NRXN2: variants seen among roughly 807,000 people sequenced by gnomAD.
The protein encoded by NRXN2 is neurexin-2-beta.
In NRXN2, 29 loss-of-function variants were observed where a neutral mutation model predicts 128.8. The ratio of observed to expected loss-of-function variants is 0.23; its 90% CI spans 0.17 to 0.31. The LOEUF (loss-of-function observed/expected upper bound fraction) is 0.31. Ranked by LOEUF, NRXN2 falls within the 10% of genes least tolerant of loss-of-function variation. NRXN2 has a pLI of 1.00. For missense variants in NRXN2, 1,881 were observed against 2,452.6 expected (o/e 0.77, Z 4.92); for synonymous variants, 1,098 against 1,075.2 (o/e 1.02, Z -0.41).
chr11:64,676,664 C>G (rs2051359583), intron 7 of NRXN2: 2 of 440,986 alleles, frequency 4.5e-6, no homozygotes, highest in East Asian at 3.8e-5. Flanking sequence ...CGGGGCTGGT[C>G]TAACCAGAGC....
chr11:64,609,847 G>A (rs1219322364), intron 22 of NRXN2, among the ~76,000 whole-genome samples: 10 of 152,082 alleles, frequency 6.6e-5, no homozygotes, highest in Non-Finnish European at 1.2e-4. Flanking sequence ...TCTGCAGGGT[G>A]TGGTCTTCAT....
intron 2 of NRXN2, among the ~76,000 whole-genome samples, chr11:64,710,448 A>G (rs922488227): frequency 6.6e-5 from 10 of 152,136 alleles, no homozygotes; most frequent in African/African-American, 9.7e-5. Flanking sequence ...CCTCACTGGA[A>G]GCCTCTGGCC....
chr11:64,697,420 C>G (rs1482215489), intron 3 of NRXN2, among the ~76,000 whole-genome samples: 1 of 152,184 alleles, frequency 6.6e-6, no homozygotes, highest in Non-Finnish European at 1.5e-5. Flanking sequence ...TTCTAAGCTT[C>G]CTAACTTAGG....
At position 64,653,730 on chromosome 11, in the gene NRXN2, G is replaced by T. The variant is rs1476745042; in HGVS notation, c.2390-8C>A. The T allele has an allele frequency of 2.5e-6, 4 of 1,589,600 alleles. No individual in the cohort carries two copies. Among genetic ancestry groups the T allele is most frequent in the East Asian group, 2.3e-5 (1 of 44,178 alleles). ...AGCCGACGCGCAGGCAGTCTGGGGG[G>T]GCCATGGGGCGGGCAGAGGGGAAGG... On this transcript the variant is annotated splice_polypyrimidine_tract_variant and splice_region_variant and intron_variant, in intron 11 of 22. Transcript: ENST00000265459.
chr11:64,707,512 C>G (rs2056464838), intron 2 of NRXN2, among the ~76,000 whole-genome samples: 1 of 152,168 alleles, frequency 6.6e-6, no homozygotes, highest in African/African-American at 2.4e-5. Flanking sequence ...AATCACTAAG[C>G]CACACTGCTT....
At chr11:64,666,762 G>A (rs1356847021) in intron 9 of NRXN2, among the ~76,000 whole-genome samples, 3 of 151,450 alleles carry the variant, frequency 2.0e-5, no homozygotes, top group Non-Finnish European at 4.4e-5. Flanking sequence ...ATGGGGTTTC[G>A]CCGTGTTAGC....
chr11:64,633,097 C>T (rs1240465657), intron 18 of NRXN2, among the ~76,000 whole-genome samples: 1 of 152,212 alleles, frequency 6.6e-6, no homozygotes, highest in Admixed American at 6.5e-5. Context: ...AGGCAGACCC[C>T]CGTCTTCCCT....
chr11:64,690,612 C>G, intron 4 of NRXN2, 136 bp from the exon 5 acceptor site: 1 of 762,004 alleles, frequency 1.3e-6, no homozygotes, highest in Non-Finnish European at 2.2e-6. Context: ...TTTCTGGGGA[C>G]TCCCTTGCCT....
At chr11:64,693,058 C>T (rs2054038024) in intron 3 of NRXN2, among the ~76,000 whole-genome samples, 182 bp from the exon 4 acceptor site, 1 of 151,838 alleles carries the variant, frequency 6.6e-6, no homozygotes, top group African/African-American at 2.4e-5. Flanking sequence ...GGGGGAGCCC[C>T]AGCCCAGGAG....
At chr11:64,616,793 C>T (rs934420637) in intron 22 of NRXN2, among the ~76,000 whole-genome samples, 4 of 152,138 alleles carry the variant, frequency 2.6e-5, no homozygotes, top group African/African-American at 9.7e-5. Flanking sequence ...GCACACATAG[C>T]TCAGAACACA....
chr11:64,676,616 A>T, intron 7 of NRXN2: 2 of 247,830 alleles, frequency 8.1e-6, no homozygotes, highest in Non-Finnish European at 1.6e-5. Flanking sequence ...GGGAGGGAAA[A>T]GAACAAAATA....
chr11:64,648,224 T>C lies in NRXN2; in HGVS notation c.3398A>G (p.Asn1133Ser), dbSNP rs1238924923. ...TMTSYGGPVC[N>S]DPGTTYIFGK... ...CAGCCCTCCCAGGCACTCACGATCA[T>C]TGCAGACAGGGCCTCCATAGGAAGT... The change falls in exon 17 of 23, where the codon AAT (asparagine) becomes AGT (serine). Residue 1133 changes from asparagine (N) to serine (S), a missense_variant. Asn to Ser is a conservative substitution (Grantham distance 46). Coordinates refer to ENST00000265459, the MANE Select transcript of NRXN2 (RefSeq NM_015080.4). This position sits in a 1 kb window ranked among gnomAD's most constrained non-coding sequence, Gnocchi z 4.1. 2.5e-6 allele frequency: 4 copies of C among 1,614,030 alleles called. No individual in the cohort carries two copies. Among genetic ancestry groups the C allele is most frequent in the East Asian group, 2.2e-5 (1 of 44,898 alleles).
chr11:64,652,087 C>A lies in NRXN2; in HGVS notation c.2484G>T (p.Val828=), dbSNP rs2047537498. The change falls in exon 13 of 23, where the codon GTG becomes GTT. Residue 828 remains valine (V), a synonymous_variant. Coordinates refer to ENST00000265459, the MANE Select transcript of NRXN2 (RefSeq NM_015080.4). The part of the protein sequence containing the change: ...LNDNEWHTVR[V]VRRGKSLQLS... Reference sequence around the variant, plus strand: ...GCTGCAGGCTCTTGCCACGCCGGACCACCCTCACCGTGTGCCACTCATTGT... The same window carrying A: ...GCTGCAGGCTCTTGCCACGCCGGACAACCCTCACCGTGTGCCACTCATTGT... The A allele has an allele frequency of 1.9e-6, 3 of 1,613,378 alleles. No individual in the cohort carries two copies. Among genetic ancestry groups the A allele is most frequent in the South Asian group, 1.1e-5 (1 of 91,090 alleles).
chr11:64,656,370 A>G (rs1207213), intron 11 of NRXN2, among the ~76,000 whole-genome samples: 152,319 of 152,322 alleles, frequency 1, 76,158 homozygotes, highest in Non-Finnish European at 1. Flanking sequence ...TTTGATTCCA[A>G]GGGGCAGAAC....
chr11:64,720,859 T>C (rs1301546907), intron 1 of NRXN2, among the ~76,000 whole-genome samples: 1 of 151,766 alleles, frequency 6.6e-6, no homozygotes, highest in Non-Finnish European at 1.5e-5. Context: ...GGAGAGGGTG[T>C]GTTGCAAGGA....
Position 64,718,386 on chromosome 11 carries a change from T to C in NRXN2, c.-244-4443A>G, listed in dbSNP as rs1309691885. 3.3e-5 allele frequency among the ~76,000 whole-genome samples: 5 copies of C among 152,286 alleles called. No homozygotes were observed. In the East Asian group the frequency reaches 9.7e-4, roughly 29 times the overall value. ...CACGCCAGCATCCTCTCATGCCAGCTGGGAGTGAGACAGCAGGGGCCTCCT... is the reference window on the plus strand; with the variant it reads ...CACGCCAGCATCCTCTCATGCCAGCCGGGAGTGAGACAGCAGGGGCCTCCT... On this transcript the variant is annotated intron_variant, in intron 1 of 22. Coordinates refer to ENST00000265459, the MANE Select transcript of NRXN2 (RefSeq NM_015080.4).
At chr11:64,612,335 G>C (rs1403169373) in intron 22 of NRXN2, among the ~76,000 whole-genome samples, 6 of 152,088 alleles carry the variant, frequency 3.9e-5, no homozygotes, top group Non-Finnish European at 8.8e-5. Context: ...TCCTGGAATG[G>C]GGTGCTCCTA....
In NRXN2 at chr11:64,607,411, T is replaced by C. The variant is rs1279599907; in HGVS notation, c.4924A>G (p.Ile1642Val). 6.2e-7 allele frequency: 1 copy of C among 1,612,980 alleles called. No homozygotes were observed. ...ATGCAGAGCGCCGCCGCCGCCACAA[T>C]GCCCACCACCATGCCCGTGGTGCTG... ...SSSTTGMVVG[I>V]VAAAALCILI... The change falls in exon 23 of 23, where the codon ATT becomes GTT. Residue 1642 changes from isoleucine to valine, a missense_variant. Transcript: ENST00000265459.
At chr11:64,706,328 C>A (rs2056319865) in intron 2 of NRXN2, among the ~76,000 whole-genome samples, 1 of 146,886 alleles carries the variant, frequency 6.8e-6, no homozygotes, top group Non-Finnish European at 1.5e-5. Flanking sequence ...CCCACTCCCC[C>A]CACCCCACAA....
Sources: allele counts gnomAD v4.1 joint callset (sites outside exome capture counted in the v4.1 genomes callset), GRCh38; gene constraint gnomAD v4.1.1; non-coding constraint Gnocchi (gnomAD v3.1); transcripts MANE v1.5; gene names NCBI Gene and HGNC (gene_info 2026-07-23, HGNC 2026-07-21).